Variants in CCDC91 observed in about 807,000 individuals in gnomAD.
CCDC91 encodes the protein coiled-coil domain containing 91.
CCDC91 carries 48 observed loss-of-function variants against 63.2 expected under a neutral mutation model. The observed-to-expected ratio is 0.76, with a 90% CI of 0.60 to 0.97. CCDC91 has a LOEUF of 0.97. Ranked by LOEUF, CCDC91 falls within the 50% of genes least tolerant of loss-of-function variation. The probability of loss-of-function intolerance (pLI) is 0.00; values close to 1 mark genes in which losing one functional copy is unlikely to be tolerated. For synonymous variants in CCDC91, 167 were observed against 165.8 expected, an observed-to-expected ratio of 1.01 and a Z score of -0.06; for missense variants, 500 against 494.6, an observed-to-expected ratio of 1.01 and a Z score of -0.10.
chr12:28,541,485 A>G (rs1942626454), intron 12 of CCDC91, among the ~76,000 whole-genome samples: 1 of 152,124 alleles, frequency 6.6e-6, no homozygotes, highest in African/African-American at 2.4e-5. Flanking sequence ...TTAAAGGTCA[A>G]AACAAAAGGA....
At chr12:28,254,514 G>A (rs1296936098) in intron 1 of CCDC91, among the ~76,000 whole-genome samples, 3 of 152,024 alleles carry the variant, frequency 2.0e-5, no homozygotes, top group African/African-American at 7.2e-5. Context: ...GCCCACATTT[G>A]TATATTTCCT....
At chr12:28,232,973 C>CAAA (rs35495535) in intron 1 of CCDC91, among the ~76,000 whole-genome samples, 4 of 87,538 alleles carry the variant, frequency 4.6e-5, no homozygotes, top group Admixed American at 1.3e-4. Context: ...ACTCTATCTC[C>CAAA]AAAAAAAAAA....
chr12:28,422,343 T>A (rs1232793488), intron 8 of CCDC91, among the ~76,000 whole-genome samples: 1 of 152,098 alleles, frequency 6.6e-6, no homozygotes, highest in Non-Finnish European at 1.5e-5. Context: ...AAAGGGTACT[T>A]ATCAAAATAT....
chr12:28,487,164 A>G (rs1190146803), intron 12 of CCDC91, among the ~76,000 whole-genome samples: 4 of 151,950 alleles, frequency 2.6e-5, no homozygotes, highest in Non-Finnish European at 5.9e-5. Flanking sequence ...TGATTTAATC[A>G]GTACACTTGT....
intron 1 of CCDC91, among the ~76,000 whole-genome samples, chr12:28,204,212 G>A (rs1460883801): frequency 1.3e-5 from 2 of 152,062 alleles, no homozygotes; most frequent in Admixed American, 6.5e-5. Flanking sequence ...TAAGAACATG[G>A]GGTTAAAATG....
At chr12:28,506,585 T>A (rs1938743898) in intron 12 of CCDC91, among the ~76,000 whole-genome samples, 1 of 152,002 alleles carries the variant, frequency 6.6e-6, no homozygotes, top group Middle Eastern at 3.2e-3. Flanking sequence ...CCACTATTTA[T>A]TCATTGTGTA....
intron 8 of CCDC91, among the ~76,000 whole-genome samples, chr12:28,444,170 A>G (rs539120149): frequency 4.6e-5 from 7 of 152,200 alleles, no homozygotes; most frequent in Non-Finnish European, 1.0e-4. Context: ...AAGTCTGCCC[A>G]TCAGCAACAA....
At chr12:28,363,876 GAAAAAA>G (rs34997286) in intron 7 of CCDC91, among the ~76,000 whole-genome samples, 2 of 52,560 alleles carry the variant, frequency 3.8e-5, no homozygotes, top group African/African-American at 1.8e-4. Context: ...GGCTCCATCT[GAAAAAA>G]AAAAAAAAAA....
Position 28,351,020 on chromosome 12 carries a change from G to A in CCDC91, c.577-11418G>A, listed in dbSNP as rs116005435. Among the ~76,000 whole-genome samples the A allele has an allele frequency of 2.2e-3, 332 of 152,216 alleles. 3 individuals carry two copies. Among genetic ancestry groups the A allele is most frequent in the African/African-American group, 7.4e-3 (309 of 41,530 alleles). On this transcript the variant is annotated intron_variant, in intron 6 of 12. Transcript: ENST00000536442. ...TAGGGGCACAATGCAATCTGTTACC[G>A]TGTTCTTCCTGGCCCCACAAAATTC...
intron 8 of CCDC91, among the ~76,000 whole-genome samples, chr12:28,415,750 A>C (rs576274163): frequency 3.7e-4 from 56 of 152,092 alleles, no homozygotes; most frequent in African/African-American, 1.3e-3. Flanking sequence ...CCTACCTGAA[A>C]ATATTCTTGT....
chr12:28,477,221 AT>A (rs1284769783), intron 11 of CCDC91, among the ~76,000 whole-genome samples: 1 of 152,212 alleles, frequency 6.6e-6, no homozygotes, highest in Non-Finnish European at 1.5e-5. Flanking sequence ...AAAGTCCTCA[AT>A]AAAATACTGG....
intron 8 of CCDC91, among the ~76,000 whole-genome samples, chr12:28,401,971 T>C (rs1308517343): frequency 1.3e-5 from 2 of 152,162 alleles, no homozygotes; most frequent in Non-Finnish European, 1.5e-5. Flanking sequence ...ATACCATTTA[T>C]AGAAAAGACT....
chr12:28,483,294 TA>T (rs951356704), intron 11 of CCDC91, among the ~76,000 whole-genome samples: 2 of 151,942 alleles, frequency 1.3e-5, no homozygotes, highest in African/African-American at 4.8e-5. Flanking sequence ...TGATGTCCAA[TA>T]AAAAAGGGTG....
rs550909309 is a variant in CCDC91 at position 28,220,186 on chromosome 12, T to C, written c.-15+29545T>C. 2.0e-5 allele frequency among the ~76,000 whole-genome samples: 3 copies of C among 152,238 alleles called. No individual in the cohort carries two copies. In the South Asian group the frequency reaches 6.2e-4, roughly 32 times the overall value. ...TCCTTCTGCTTTTTTCCTTCTTTACTGATTTATATTGGGTTTGAGGATGCT... is the reference window on the plus strand; with the variant it reads ...TCCTTCTGCTTTTTTCCTTCTTTACCGATTTATATTGGGTTTGAGGATGCT... On this transcript the variant is annotated intron_variant, in intron 1 of 12. Transcript: ENST00000536442.
chr12:28,203,575 G>C (rs1282169802), intron 1 of CCDC91, among the ~76,000 whole-genome samples: 1 of 152,180 alleles, frequency 6.6e-6, no homozygotes, highest in Non-Finnish European at 1.5e-5. Flanking sequence ...CATCTGCTTA[G>C]TGCTGTGAAA....
intron 1 of CCDC91, chr12:28,226,126 T>G (rs752590864): frequency 2.6e-5 from 4 of 152,178 alleles, no homozygotes; most frequent in Non-Finnish European, 5.9e-5. Flanking sequence ...TTTGGAATTT[T>G]CTGTTACTTC....
At chr12:28,322,714 A>G (rs1247297099) in intron 6 of CCDC91, among the ~76,000 whole-genome samples, 2 of 151,730 alleles carry the variant, frequency 1.3e-5, no homozygotes, top group Non-Finnish European at 2.9e-5. Flanking sequence ...TTAGAAAGTA[A>G]AAGATGCCTA....
chr12:28,425,490 G>A (rs1460523598), intron 8 of CCDC91, among the ~76,000 whole-genome samples: 4 of 152,102 alleles, frequency 2.6e-5, no homozygotes, highest in Non-Finnish European at 4.4e-5. Flanking sequence ...TTTTTCTGCT[G>A]ATCTATCCAC....
chr12:28,357,186 C>A (rs1247981707), intron 6 of CCDC91, among the ~76,000 whole-genome samples: 1 of 151,974 alleles, frequency 6.6e-6, no homozygotes, highest in Non-Finnish European at 1.5e-5. Context: ...TGGAAAGCAC[C>A]TTTATTTGTT....
Sources: gnomAD v4.1 joint callset for allele counts (sites outside exome capture counted in the v4.1 genomes callset) on GRCh38, gnomAD v4.1.1 for gene constraint, MANE v1.5 for transcripts, NCBI Gene and HGNC (gene_info 2026-07-23, HGNC 2026-07-21) for gene names.